Variants in ERCC8 observed in about 807,000 individuals in gnomAD.
The protein encoded by ERCC8 is ERCC excision repair 8, CSA ubiquitin ligase complex subunit.
In ERCC8, 52 loss-of-function variants were observed where a neutral mutation model predicts 54.9. That is an observed-to-expected ratio of 0.95 (90% CI 0.76 to 1.19). The LOEUF is 1.19. Among genes scored for constraint, ERCC8 ranks in the 50% most tolerant of loss-of-function variants. The probability of loss-of-function intolerance (pLI) is 0.00; values close to 1 mark genes in which losing one functional copy is unlikely to be tolerated. For missense variants in ERCC8, 514 were observed against 466.1 expected, an observed-to-expected ratio of 1.10 and a Z score of -0.95; for synonymous variants, 146 against 157.2, an observed-to-expected ratio of 0.93 and a Z score of 0.53.
chr5:60,912,919 G>A (rs1749313933), intron 4 of ERCC8, among the ~76,000 whole-genome samples: 1 of 152,094 alleles, frequency 6.6e-6, no homozygotes, highest in African/African-American at 2.4e-5. Context: ...TATTGAACCA[G>A]CCTTGCATCC....
At chr5:60,904,634 G>GTGTGTATATATATA (rs1406862264) in intron 5 of ERCC8, among the ~76,000 whole-genome samples, 158 bp downstream of exon 5, 1 of 49,930 alleles carries the variant, frequency 2.0e-5, no homozygotes, top group African/African-American at 8.4e-5. Flanking sequence ...GTGTGTGTGT[G>GTGTGTATATATATA]TATATATATA....
chr5:60,877,443 T>C (rs1399237295), intron 11 of ERCC8, among the ~76,000 whole-genome samples: 1 of 152,208 alleles, frequency 6.6e-6, no homozygotes, highest in African/African-American at 2.4e-5. Context: ...GGGATGGCAT[T>C]GAATCTATAA....
At chr5:60,942,647 AGAAG>A (rs1457722361) in intron 1 of ERCC8, among the ~76,000 whole-genome samples, 5 of 152,228 alleles carry the variant, frequency 3.3e-5, no homozygotes, top group Non-Finnish European at 4.4e-5. Flanking sequence ...AAGCAGAGAA[AGAAG>A]GGAGACAGGG....
intron 1 of ERCC8, among the ~76,000 whole-genome samples, chr5:60,939,465 G>A (rs539970581): frequency 1.1e-4 from 16 of 147,008 alleles, no homozygotes; most frequent in Admixed American, 6.8e-4. Flanking sequence ...TGGATTCCCC[G>A]GTTGCAATAC....
chr5:60,938,127 A>G lies in ERCC8; in HGVS notation c.77+6805T>C, dbSNP rs541232547. On this transcript the variant is annotated intron_variant, in intron 1 of 11. Coordinates refer to ENST00000676185, the MANE Select transcript of ERCC8 (RefSeq NM_000082.4). ...TTTAGGTTACGAAGTTTCATTGAAT[A>G]TAAGTTTCTCTGGGTCCCCTAAGTT... Among the ~76,000 whole-genome samples, 433 of 139,676 alleles carry G rather than the reference A, an allele frequency of 3.1e-3. 3 individuals carry two copies. The highest frequency in any genetic ancestry group is 5.1e-3 in the Non-Finnish European group (337 of 65,808). The allele number at this position is 139,676 out of a possible 152,430, so 91.6% of individuals were successfully genotyped here. A position where few individuals can be genotyped will look rare whatever the true frequency, so the allele number is the denominator to read the frequency against.
intron 1 of ERCC8, among the ~76,000 whole-genome samples, chr5:60,938,386 G>A (rs575350927): frequency 8.2e-5 from 10 of 122,364 alleles, no homozygotes; most frequent in South Asian, 2.5e-4. Flanking sequence ...ACGGAGTCTC[G>A]CTCTGTCGCC....
At position 60,868,048 on chromosome 5, in the gene ERCC8, C is replaced by T. The variant is rs1480329370; in HGVS notation, c.*6567G>A. Among the ~76,000 whole-genome samples the T allele has an allele frequency of 3.9e-5, 6 of 152,118 alleles. No individual in the cohort carries two copies. The highest frequency in any genetic ancestry group is 1.9e-4 in the East Asian group (1 of 5,190). ...ATACAAAATAAGCCAGGCATGGTGG[C>T]GCATGCCTGTAATCCCAGCTACTTG... On this transcript the variant is annotated 3_prime_UTR_variant, in exon 12 of 12. Transcript: ENST00000676185.
chr5:60,898,511 A>T, intron 8 of ERCC8, 111 bp from the exon 9 acceptor site: 1 of 1,189,982 alleles, frequency 8.4e-7, no homozygotes, highest in Non-Finnish European at 1.2e-6. Flanking sequence ...TACTTAAAAA[A>T]TGTAAGTAGA....
chr5:60,925,315 T>C (rs1387703136), intron 2 of ERCC8, among the ~76,000 whole-genome samples: 1 of 152,182 alleles, frequency 6.6e-6, no homozygotes, highest in Non-Finnish European at 1.5e-5. Flanking sequence ...TTTTCCTTTG[T>C]TTCTATTGTC....
At chr5:60,908,969 T>C (rs549399110) in intron 4 of ERCC8, among the ~76,000 whole-genome samples, 13 of 152,242 alleles carry the variant, frequency 8.5e-5, no homozygotes, top group Admixed American at 5.9e-4. Context: ...GACTCTAATA[T>C]GACTTTTAAA....
Position 60,918,267 on chromosome 5 carries a change from G to A in ERCC8, c.397C>T (p.Gln133Ter), listed in dbSNP as rs1749495521. The change falls in exon 4 of 12, where the codon CAA (glutamine) becomes TAA (stop). Residue 133 changes from glutamine to a stop codon, truncating the protein, a stop_gained and splice_region_variant. Transcript: ENST00000676185. LOFTEE classifies it high-confidence loss of function. ...TLKVWDTNTL[Q>*]TADVFNFEET... ...TGCAAATGTTTTAATGTACTTACTTGTAATGTATTTGTATCCCATACTTTC... is the reference window on the plus strand; with the variant it reads ...TGCAAATGTTTTAATGTACTTACTTATAATGTATTTGTATCCCATACTTTC... 1 of 1,593,568 alleles carries A rather than the reference G, an allele frequency of 6.3e-7. No homozygotes were observed. Among genetic ancestry groups the A allele is most frequent in the Non-Finnish European group, 8.6e-7 (1 of 1,162,214 alleles).
intron 2 of ERCC8, among the ~76,000 whole-genome samples, chr5:60,925,964 C>G (rs554430893): frequency 6.6e-6 from 1 of 152,116 alleles, no homozygotes; most frequent in Non-Finnish European, 1.5e-5. Context: ...GCTGGGATTA[C>G]GGGCACGCGC....
chr5:60,906,950 T>C (rs1749093433), intron 4 of ERCC8, among the ~76,000 whole-genome samples: 1 of 152,146 alleles, frequency 6.6e-6, no homozygotes, highest in South Asian at 2.1e-4. Flanking sequence ...AGTTTCAATA[T>C]TTGTGTCCAA....
At position 60,927,470 on chromosome 5, in the gene ERCC8, C is replaced by T. The variant is rs4647069; in HGVS notation, c.173+1394G>A. 7.5e-3 allele frequency among the ~76,000 whole-genome samples: 1,149 copies of T among 152,312 alleles called. 13 individuals carry two copies. Among genetic ancestry groups the T allele is most frequent in the African/African-American group, 0.026 (1,088 of 41,568 alleles). On this transcript the variant is annotated intron_variant, in intron 2 of 11. Transcript: ENST00000676185. ...GGAAAATCACTGTAGCAAGAGTCTT[C>T]AGACTTTTCTCTATGTGCTGTATTA... is the stretch of plus-strand genomic sequence containing the variant.
intron 11 of ERCC8, among the ~76,000 whole-genome samples, chr5:60,875,939 G>A (rs1747988715): frequency 1.3e-5 from 2 of 151,824 alleles, no homozygotes; most frequent in African/African-American, 2.4e-5. Flanking sequence ...TGCACAACGT[G>A]CAGGTTTGTC....
intron 4 of ERCC8, among the ~76,000 whole-genome samples, chr5:60,912,432 T>A (rs999960674): frequency 2.0e-5 from 3 of 151,988 alleles, no homozygotes; most frequent in African/African-American, 7.3e-5. Flanking sequence ...GATTTTTGCA[T>A]GTTGATTTTG....
chr5:60,889,982 G>C (rs945626866), intron 10 of ERCC8, among the ~76,000 whole-genome samples: 1 of 152,148 alleles, frequency 6.6e-6, no homozygotes, highest in Non-Finnish European at 1.5e-5. Flanking sequence ...AGAGGTCCCA[G>C]GGAAGGGGCT....
At chr5:60,924,166 T>G (rs770410662) in intron 2 of ERCC8, 6 of 152,288 alleles carry the variant, frequency 3.9e-5, no homozygotes, top group Non-Finnish European at 8.8e-5. Flanking sequence ...GTGCTATAAT[T>G]TAAAATAATT....
chr5:60,927,889 T>C lies in ERCC8; in HGVS notation c.173+975A>G, dbSNP rs372113379. On this transcript the variant is annotated intron_variant, in intron 2 of 11. Coordinates refer to ENST00000676185, the MANE Select transcript of ERCC8 (RefSeq NM_000082.4). ...TAGTAGATGAGACCATGGTGGAAGC[T>C]GGAAGTAAAAAGTGGAAGTTTATCA... Among the ~76,000 whole-genome samples the C allele has an allele frequency of 2.6e-5, 4 of 152,292 alleles. No homozygotes were observed. In the South Asian group the frequency reaches 8.3e-4, roughly 32 times the overall value.
Sources: allele counts gnomAD v4.1 joint callset (sites outside exome capture counted in the v4.1 genomes callset), GRCh38; gene constraint gnomAD v4.1.1; transcripts MANE v1.5; gene names NCBI Gene and HGNC (gene_info 2026-07-23, HGNC 2026-07-21).